Variants in ZBTB7C observed in about 807,000 individuals in gnomAD.
ZBTB7C encodes zinc finger and BTB domain-containing protein 7C.
A neutral mutation model predicts 25.7 loss-of-function variants in ZBTB7C; 8 were observed. The observed-to-expected ratio is 0.31, with a 90% CI of 0.18 to 0.56. ZBTB7C has a LOEUF of 0.56. ZBTB7C is among the 20% of genes least tolerant of loss of function. ZBTB7C has a pLI of 0.91. For synonymous variants in ZBTB7C, 394 were observed against 369.0 expected, an observed-to-expected ratio of 1.07 and a Z score of -0.78; for missense variants, 824 against 855.2, an observed-to-expected ratio of 0.96 and a Z score of 0.46.
intron 1 of ZBTB7C, 39 bp from the exon 2 acceptor site, chr18:48,338,437 C>T (rs1275642378): frequency 1.3e-5 from 2 of 152,350 alleles, no homozygotes; most frequent in African/African-American, 4.8e-5. Flanking sequence ...CCACCAGGGC[C>T]AGAAACACAT....
intron 2 of ZBTB7C, among the ~76,000 whole-genome samples, chr18:48,299,612 C>CA (rs969514833): frequency 2.6e-4 from 39 of 152,246 alleles, no homozygotes; most frequent in African/African-American, 9.1e-4. Flanking sequence ...ATGAGAGTGG[C>CA]AAAGGATGCA....
chr18:48,149,683 C>T (rs909616914), intron 3 of ZBTB7C: 3 of 152,172 alleles, frequency 2.0e-5, no homozygotes, highest in Admixed American at 6.5e-5. Flanking sequence ...AGCTTGGCCT[C>T]CTGCAAAGAC....
At position 48,063,294 on chromosome 18, in the gene ZBTB7C, G is replaced by A. The variant is rs888325816; in HGVS notation, c.-16-22171C>T. Among the ~76,000 whole-genome samples, 5 of 152,214 alleles carry A rather than the reference G, an allele frequency of 3.3e-5. No homozygotes were observed. In the South Asian group the frequency reaches 6.2e-4, roughly 19 times the overall value. On this transcript the variant is annotated intron_variant, in intron 3 of 4. Transcript: ENST00000590800. Reference sequence around the variant, plus strand: ...ACATCAGCTCCACTAGACAAACAGCGCAGGGGCTTTTCCCCCCCAGCTTAC... The same window carrying A: ...ACATCAGCTCCACTAGACAAACAGCACAGGGGCTTTTCCCCCCCAGCTTAC...
intron 3 of ZBTB7C, among the ~76,000 whole-genome samples, chr18:48,063,348 A>G (rs938715320): frequency 6.6e-6 from 1 of 152,186 alleles, no homozygotes; most frequent in Non-Finnish European, 1.5e-5. Context: ...TGTCCCATTC[A>G]ATGCCAGAGG....
intron 3 of ZBTB7C, among the ~76,000 whole-genome samples, chr18:48,159,690 C>T (rs956980615): frequency 6.6e-6 from 1 of 152,198 alleles, no homozygotes. Context: ...CTTTCTTCTC[C>T]AAATACTTTA....
In ZBTB7C at chr18:48,220,558, G is replaced by A. The variant is rs556698217; in HGVS notation, c.-78-34563C>T. 2.6e-5 allele frequency among the ~76,000 whole-genome samples: 4 copies of A among 152,246 alleles called. No individual in the cohort carries two copies. In the East Asian group the frequency reaches 5.8e-4, roughly 22 times the overall value. The stretch of plus-strand genomic sequence containing the variant: ...ATGGAGCTCAAATTTTCTCCTACAC[G>A]TGGGCCTGACATGCCAAGTGCCCAG... On this transcript the variant is annotated intron_variant, in intron 2 of 4. Transcript: ENST00000590800.
At chr18:48,334,744 T>C (rs185333941) in intron 2 of ZBTB7C, among the ~76,000 whole-genome samples, 6 of 152,194 alleles carry the variant, frequency 3.9e-5, no homozygotes, top group African/African-American at 1.4e-4. Flanking sequence ...GTTATTTGAA[T>C]TTTTCTTTCT....
At chr18:48,053,160 G>A (rs2036764987) in intron 3 of ZBTB7C, among the ~76,000 whole-genome samples, 1 of 152,226 alleles carries the variant, frequency 6.6e-6, no homozygotes, top group Non-Finnish European at 1.5e-5. Context: ...CCTTCCGCCT[G>A]CCCCAGAGGA....
chr18:48,268,779 C>G lies in ZBTB7C; in HGVS notation c.-79+69395G>C, dbSNP rs979368309. On this transcript the variant is annotated intron_variant, in intron 2 of 4. Coordinates refer to ENST00000590800, the MANE Select transcript of ZBTB7C (RefSeq NM_001318841.2). ...GGTGTAGATAAAAATGTAGATATATCTATCTATGCATCTATATACATATGC... is the reference window on the plus strand; with the variant it reads ...GGTGTAGATAAAAATGTAGATATATGTATCTATGCATCTATATACATATGC... Among the ~76,000 whole-genome samples the G allele has an allele frequency of 5.3e-5, 8 of 151,918 alleles. No individual in the cohort carries two copies. In the South Asian group the frequency reaches 1.5e-3, roughly 28 times the overall value.
chr18:48,073,250 A>AT (rs908963643), intron 3 of ZBTB7C, among the ~76,000 whole-genome samples: 5 of 152,032 alleles, frequency 3.3e-5, no homozygotes, highest in Non-Finnish European at 5.9e-5. Flanking sequence ...TGTGCAGATT[A>AT]TTTTTTTAAG....
At chr18:48,296,533 A>T (rs554693766) in intron 2 of ZBTB7C, among the ~76,000 whole-genome samples, 2 of 152,294 alleles carry the variant, frequency 1.3e-5, no homozygotes, top group African/African-American at 4.8e-5. Flanking sequence ...CATTATTTTT[A>T]AAAATTAGGT....
In ZBTB7C at chr18:48,040,114, C is replaced by G. The variant is rs138978875; in HGVS notation, c.994G>C (p.Gly332Arg). Residue 332 changes from glycine (G) to arginine (R), a missense_variant, in exon 4 of 5, where the codon GGT becomes CGT. Gly to Arg is a moderately radical substitution (Grantham distance 125). This residue lies in a region of ZBTB7C where 316 missense variants were observed against 299.2 expected (regional missense o/e 1.06). Coordinates refer to ENST00000590800, the MANE Select transcript of ZBTB7C (RefSeq NM_001318841.2). ...LGPIKAENDY[G>R]AYLNFLSATH... is the part of the protein sequence containing the mutation. ...GCACTCAGGAAGTTGAGATAGGCAC[C>G]GTAGTCGTTCTCCGCCTTGATGGGT... The G allele has an allele frequency of 3.7e-6, 6 of 1,600,728 alleles. No individual in the cohort carries two copies. Among genetic ancestry groups the G allele is most frequent in the East Asian group, 2.2e-5 (1 of 44,802 alleles).
At chr18:48,292,870 T>C (rs969633870) in intron 2 of ZBTB7C, among the ~76,000 whole-genome samples, 1 of 152,170 alleles carries the variant, frequency 6.6e-6, no homozygotes, top group Non-Finnish European at 1.5e-5. Context: ...GCATAAAGCA[T>C]TGAAATCTAC....
At chr18:48,158,506 G>C (rs1202738716) in intron 3 of ZBTB7C, among the ~76,000 whole-genome samples, 2 of 149,512 alleles carry the variant, frequency 1.3e-5, no homozygotes. Flanking sequence ...AGCAAAATGA[G>C]GGTCTTGGAG....
At chr18:48,043,555 A>AGAT (rs1228249965) in intron 3 of ZBTB7C, among the ~76,000 whole-genome samples, 1 of 152,190 alleles carries the variant, frequency 6.6e-6, no homozygotes, top group Non-Finnish European at 1.5e-5. Flanking sequence ...AATGGAGAAG[A>AGAT]GATGAGGGTT....
chr18:48,162,274 A>G, intron 3 of ZBTB7C: 1 of 440,304 alleles, frequency 2.3e-6, no homozygotes, highest in South Asian at 1.6e-5. Context: ...GGGGAGCTAA[A>G]GGAGGATCCA....
intron 3 of ZBTB7C, among the ~76,000 whole-genome samples, chr18:48,103,011 A>G (rs1424438994): frequency 6.7e-6 from 1 of 149,204 alleles, no homozygotes; most frequent in African/African-American, 2.5e-5. Flanking sequence ...TAAGACAGGG[A>G]AGGTGTGGAT....
rs71165309 is a variant in ZBTB7C, at chr18:48,032,422, G to GTTTTTTTT, written c.1209-2519_1209-2512dup. Reference sequence around the variant, plus strand: ...GAGCCACTGTGCCCGGACAAGGTAGGTTTTTTTTTTTTTTTTTTTTTTTTT... The same window carrying GTTTTTTTT: ...GAGCCACTGTGCCCGGACAAGGTAGGTTTTTTTTTTTTTTTTTTTTTTTTTTTTTTTTT... On this transcript the variant is annotated intron_variant, in intron 4 of 4. Coordinates refer to ENST00000590800, the MANE Select transcript of ZBTB7C (RefSeq NM_001318841.2). 7.7e-4 allele frequency among the ~76,000 whole-genome samples: 50 copies of GTTTTTTTT among 65,096 alleles called. 7 individuals are homozygous for GTTTTTTTT. The highest frequency in any genetic ancestry group is 3.0e-3 in the African/African-American group (48 of 15,768). 42.7% of individuals were successfully genotyped at this position (65,096 alleles called of 152,430 possible).
intron 2 of ZBTB7C, among the ~76,000 whole-genome samples, chr18:48,305,642 T>C (rs1373111447): frequency 1.3e-5 from 2 of 152,204 alleles, no homozygotes; most frequent in African/African-American, 4.8e-5. Context: ...TAAGACATGA[T>C]GTGCTAATGC....
Sources: gnomAD v4.1 joint callset for allele counts (sites outside exome capture counted in the v4.1 genomes callset) on GRCh38, gnomAD v4.1.1 for gene constraint, gnomAD v4.1.1 regional missense constraint, MANE v1.5 for transcripts, NCBI Gene and HGNC (gene_info 2026-07-23, HGNC 2026-07-21) for gene names.